Variants in SLC36A1 observed in about 807,000 individuals in gnomAD.
SLC36A1 encodes the protein proton-coupled amino acid transporter 1.
SLC36A1 carries 30 observed loss-of-function variants against 47.5 expected under a neutral mutation model. The ratio of observed to expected loss-of-function variants is 0.63; its 90% CI spans 0.47 to 0.86. The LOEUF (loss-of-function observed/expected upper bound fraction) is 0.86. SLC36A1 is among the 40% of genes least tolerant of loss of function. SLC36A1 has a pLI of 0.00. For synonymous variants in SLC36A1, 255 were observed against 249.7 expected (o/e 1.02, Z -0.20); for missense variants, 517 against 606.0 (o/e 0.85, Z 1.54).
chr5:151,399,335 C>A, the SLC36A1 span, among the ~76,000 whole-genome samples: 4,795 of 151,874 alleles, frequency 0.032, 230 homozygotes, highest in African/African-American at 0.11. Flanking sequence ...GATCTGCCCA[C>A]CTCGGCCTCT....
chr5:151,441,398 T>C (rs1752622974), intron 1 of SLC36A1, among the ~76,000 whole-genome samples: 1 of 152,204 alleles, frequency 6.6e-6, no homozygotes. Flanking sequence ...TTAATATACA[T>C]CAGAGCTTCT....
chr5:151,347,567 G>T, the SLC36A1 span: 3 of 1,420,012 alleles, frequency 2.1e-6, no homozygotes, highest in Non-Finnish European at 2.9e-6. Context: ...AGTGGTGTGT[G>T]CCCGGGCTGG....
chr5:151,359,934 T>C, the SLC36A1 span, among the ~76,000 whole-genome samples: 1 of 152,228 alleles, frequency 6.6e-6, no homozygotes, highest in Non-Finnish European at 1.5e-5. Context: ...AGTTGATGGA[T>C]CTCTGGACGG....
the SLC36A1 span, among the ~76,000 whole-genome samples, chr5:151,513,560 AAAG>A: frequency 6.6e-6 from 1 of 152,208 alleles, no homozygotes; most frequent in Non-Finnish European, 1.5e-5. Context: ...ACAGGGACGC[AAAG>A]AAGGGAACAA....
chr5:151,467,812 T>A lies in SLC36A1; in HGVS notation c.610T>A (p.Phe204Ile). 1 of 1,614,080 alleles carries A rather than the reference T, an allele frequency of 6.2e-7. No individual in the cohort carries two copies. Among genetic ancestry groups the A allele is most frequent in the Non-Finnish European group, 8.5e-7 (1 of 1,179,996 alleles). Residue 204 changes from phenylalanine to isoleucine, a missense_variant, in exon 7 of 11, where the codon TTC becomes ATC. Physicochemically the swap from Phe to Ile is conservative, Grantham distance 21 (BLOSUM62 0). Transcript: ENST00000243389. ...ACTCTACATGCTCTCCTTCCTGCCC[T>A]TCCTGGTGCTGCTGGTTTTCATCAG... ...SRLYMLSFLP[F>I]LVLLVFIRNL...
At chr5:151,551,603 C>T in the SLC36A1 span, 1 of 1,614,118 alleles carries the variant, frequency 6.2e-7, no homozygotes. Context: ...GTCCTTATCC[C>T]CACCTAGAGT....
intron 6 of SLC36A1, 88 bp downstream of exon 6, chr5:151,467,371 C>A: frequency 1.1e-6 from 1 of 942,606 alleles, no homozygotes; most frequent in South Asian, 1.5e-5. Context: ...AGGATTTTTT[C>A]CAAATCAGCT....
the SLC36A1 span, among the ~76,000 whole-genome samples, chr5:151,423,731 T>C: frequency 6.6e-6 from 1 of 152,184 alleles, no homozygotes. Context: ...TGTATATTTG[T>C]CCAAAAAACA....
chr5:151,442,840 ATC>A (rs904018284), upstream of SLC36A1, among the ~76,000 whole-genome samples: 33 of 151,762 alleles, frequency 2.2e-4, 1 homozygote, highest in Admixed American at 2.2e-3. Flanking sequence ...TTGATTCTCT[ATC>A]TCTGTGTATT....
At chr5:151,506,714 T>A in the SLC36A1 span, among the ~76,000 whole-genome samples, 1 of 152,244 alleles carries the variant, frequency 6.6e-6, no homozygotes, top group East Asian at 1.9e-4. Context: ...CACCCCCTTT[T>A]GAGCCAAAGA....
At chr5:151,529,370 G>T in the SLC36A1 span, 1 of 1,613,940 alleles carries the variant, frequency 6.2e-7, no homozygotes, top group Non-Finnish European at 8.5e-7. Context: ...CAAAGTCCAG[G>T]CTTGCGTTGA....
At chr5:151,550,705 C>A in the SLC36A1 span, 3 of 1,614,188 alleles carry the variant, frequency 1.9e-6, no homozygotes, top group East Asian at 4.5e-5. Flanking sequence ...TGGGTCTTGG[C>A]TGCCATGTAT....
chr5:151,403,344 TG>T, the SLC36A1 span, among the ~76,000 whole-genome samples: 1 of 152,208 alleles, frequency 6.6e-6, no homozygotes, highest in African/African-American at 2.4e-5. Flanking sequence ...TGGGGCCTGG[TG>T]GGGGTGATTA....
the SLC36A1 span, chr5:151,387,289 G>T: frequency 6.6e-6 from 1 of 152,366 alleles, no homozygotes; most frequent in Non-Finnish European, 1.5e-5. Flanking sequence ...GCAGGCTCTG[G>T]AGGACCCATG....
chr5:151,527,417 C>A, the SLC36A1 span: 1 of 1,537,696 alleles, frequency 6.5e-7, no homozygotes, highest in South Asian at 1.2e-5. Context: ...AATGAGGTAG[C>A]TGTCCCTCAC....
chr5:151,538,857 T>G, the SLC36A1 span, among the ~76,000 whole-genome samples: 2 of 151,406 alleles, frequency 1.3e-5, no homozygotes, highest in Admixed American at 1.3e-4. Flanking sequence ...TTTTTTTTTT[T>G]GTATTTTTAG....
the SLC36A1 span, chr5:151,527,991 C>T: frequency 1.2e-6 from 2 of 1,613,772 alleles, no homozygotes; most frequent in East Asian, 2.2e-5. Context: ...TCCCACATGA[C>T]TCACCTGTTC....
At chr5:151,370,910 T>G in the SLC36A1 span, among the ~76,000 whole-genome samples, 1 of 152,170 alleles carries the variant, frequency 6.6e-6, no homozygotes, top group Admixed American at 6.6e-5. Context: ...GGAGAATCAC[T>G]TGGACCCGGG....
At chr5:151,545,721 A>G in the SLC36A1 span, 11 of 1,614,054 alleles carry the variant, frequency 6.8e-6, no homozygotes, top group Non-Finnish European at 9.3e-6. Context: ...CCAAAATTTT[A>G]TAGACCAACA....
Sources: gnomAD v4.1 joint callset for allele counts (sites outside exome capture counted in the v4.1 genomes callset) on GRCh38, gnomAD v4.1.1 for gene constraint, MANE v1.5 for transcripts, NCBI Gene and HGNC (gene_info 2026-07-23, HGNC 2026-07-21) for gene names.